DGKI: variants seen among roughly 807,000 people sequenced by gnomAD.
DGKI encodes the protein diacylglycerol kinase iota, also known as DAG kinase iota.
Under a neutral mutation model 147.5 loss-of-function variants are expected in DGKI, and 55 were observed. That is an observed-to-expected ratio of 0.37 (90% CI 0.30 to 0.47). DGKI has a LOEUF of 0.47. Ranked by LOEUF, DGKI falls within the 20% of genes least tolerant of loss-of-function variation. DGKI has a pLI of 1.00. For missense variants in DGKI, 1,007 were observed against 1,323.8 expected, an observed-to-expected ratio of 0.76 and a Z score of 3.71; for synonymous variants, 469 against 477.1, an observed-to-expected ratio of 0.98 and a Z score of 0.22.
chr7:137,824,828 T>C (rs1798009545), intron 1 of DGKI, among the ~76,000 whole-genome samples: 1 of 152,180 alleles, frequency 6.6e-6, no homozygotes, highest in South Asian at 2.1e-4. Flanking sequence ...TCTGTTCCTG[T>C]GTTAGTTTGC....
At chr7:137,453,434 C>A (rs963391442) in intron 27 of DGKI, among the ~76,000 whole-genome samples, 1 of 152,164 alleles carries the variant, frequency 6.6e-6, no homozygotes, top group Non-Finnish European at 1.5e-5. Context: ...CACAGCACTG[C>A]AAATCTCCAT....
intron 28 of DGKI, among the ~76,000 whole-genome samples, chr7:137,427,687 A>T (rs1309345339): frequency 6.6e-6 from 1 of 151,528 alleles, no homozygotes; most frequent in Non-Finnish European, 1.5e-5. Flanking sequence ...GAGAAGAATC[A>T]AATAGATGCA....
intron 21 of DGKI, among the ~76,000 whole-genome samples, chr7:137,517,323 G>A (rs1415130416): frequency 2.0e-5 from 2 of 99,774 alleles, no homozygotes; most frequent in South Asian, 4.1e-4. Flanking sequence ...AAGAAAGAAA[G>A]AAAGAAAGAA....
intron 20 of DGKI, among the ~76,000 whole-genome samples, chr7:137,546,655 C>T (rs1817877172): frequency 6.6e-6 from 1 of 152,136 alleles, no homozygotes; most frequent in Non-Finnish European, 1.5e-5. Flanking sequence ...ACAGCAGCTG[C>T]TAGAAAAGAC....
chr7:137,834,418 AC>A (rs1180705073), intron 1 of DGKI, among the ~76,000 whole-genome samples: 1 of 152,256 alleles, frequency 6.6e-6, no homozygotes, highest in Non-Finnish European at 1.5e-5. Flanking sequence ...GCTAAAACCA[AC>A]CATACTAATG....
chr7:137,422,605 T>C (rs903131337), intron 28 of DGKI, among the ~76,000 whole-genome samples: 2 of 117,100 alleles, frequency 1.7e-5, no homozygotes, highest in Admixed American at 9.1e-5. Flanking sequence ...CTTTTTTTTT[T>C]TTTTTTTTTT....
intron 12 of DGKI, among the ~76,000 whole-genome samples, chr7:137,592,613 G>T (rs952557095): frequency 1.1e-4 from 17 of 152,222 alleles, no homozygotes; most frequent in African/African-American, 3.1e-4. Flanking sequence ...ACAGATGCAC[G>T]TTGCGCTGCC....
In DGKI at chr7:137,485,559, G is replaced by A. The variant is rs1815526399; in HGVS notation, c.2329-141C>T. 9 of 664,128 alleles carry A rather than the reference G, an allele frequency of 1.4e-5. No individual in the cohort carries two copies. In the East Asian group the frequency reaches 2.5e-4, roughly 18 times the overall value. 41.1% of individuals were successfully genotyped at this position (664,128 alleles called of 1,614,324 possible). A position where few individuals can be genotyped will look rare whatever the true frequency, so the allele number is the denominator to read the frequency against. On this transcript the variant is annotated intron_variant, in intron 22 of 32. Coordinates refer to ENST00000614521, the MANE Select transcript of DGKI (RefSeq NM_001321708.2). ...ATCGAACACACCCAAATTCATAAAG[G>A]TTAAATAAAGAAGGTAATGCCAGAA...
intron 1 of DGKI, among the ~76,000 whole-genome samples, chr7:137,776,005 T>C (rs563102614): frequency 9.4e-4 from 143 of 152,114 alleles, no homozygotes; most frequent in African/African-American, 3.4e-3. Context: ...ATTATAAGCA[T>C]GTGCCACCAT....
intron 6 of DGKI, among the ~76,000 whole-genome samples, chr7:137,643,062 C>T (rs528196850): frequency 1.3e-4 from 20 of 150,840 alleles, no homozygotes; most frequent in South Asian, 1.3e-3. Context: ...GAGGCCGAGA[C>T]GGGCGGATCA....
At chr7:137,732,467 A>G (rs563899376) in intron 1 of DGKI, among the ~76,000 whole-genome samples, 1 of 152,184 alleles carries the variant, frequency 6.6e-6, no homozygotes, top group African/African-American at 2.4e-5. Flanking sequence ...GCCTTTCATG[A>G]TGATAACTGC....
chr7:137,811,967 T>C (rs1445246973), intron 1 of DGKI, among the ~76,000 whole-genome samples: 2 of 152,234 alleles, frequency 1.3e-5, no homozygotes, highest in Non-Finnish European at 2.9e-5. Context: ...TTATATATTT[T>C]AGCTTGTTTT....
At chr7:137,434,473 C>T (rs1484258526) in intron 28 of DGKI, among the ~76,000 whole-genome samples, 5 of 152,030 alleles carry the variant, frequency 3.3e-5, no homozygotes, top group African/African-American at 7.2e-5. Flanking sequence ...CCCAGCTACT[C>T]GGAAGGCTGA....
At chr7:137,398,256 AG>A (rs1811625859) in intron 30 of DGKI, among the ~76,000 whole-genome samples, 1 of 152,130 alleles carries the variant, frequency 6.6e-6, no homozygotes, top group African/African-American at 2.4e-5. Flanking sequence ...ACCCCAGGCA[AG>A]GGGGGATATA....
intron 1 of DGKI, among the ~76,000 whole-genome samples, chr7:137,784,773 C>T (rs1796616372): frequency 6.6e-6 from 1 of 151,914 alleles, no homozygotes; most frequent in Non-Finnish European, 1.5e-5. Flanking sequence ...ATATCAAGTA[C>T]CCTCCCAGAC....
intron 23 of DGKI, among the ~76,000 whole-genome samples, chr7:137,476,051 T>C (rs1478559889): frequency 6.6e-6 from 1 of 152,202 alleles, no homozygotes; most frequent in Non-Finnish European, 1.5e-5. Context: ...AGTTTTCAAA[T>C]AGTCCTGGTG....
chr7:137,665,552 C>T (rs1822607906), intron 3 of DGKI, among the ~76,000 whole-genome samples: 1 of 152,092 alleles, frequency 6.6e-6, no homozygotes, highest in Non-Finnish European at 1.5e-5. Flanking sequence ...TTGTTCTGTT[C>T]TGAGAAACAC....
intron 3 of DGKI, among the ~76,000 whole-genome samples, chr7:137,660,220 G>T (rs1822375691): frequency 6.6e-6 from 1 of 152,090 alleles, no homozygotes; most frequent in African/African-American, 2.4e-5. Context: ...TGTGGTACGG[G>T]GTGGGCAGAG....
intron 1 of DGKI, among the ~76,000 whole-genome samples, chr7:137,831,587 C>T (rs1236277672): frequency 1.3e-5 from 2 of 152,196 alleles, no homozygotes; most frequent in African/African-American, 4.8e-5. Context: ...TCCCATCGGG[C>T]TCATTCCACA....
Sources: gnomAD v4.1 joint callset for allele counts (sites outside exome capture counted in the v4.1 genomes callset) on GRCh38, gnomAD v4.1.1 for gene constraint, MANE v1.5 for transcripts, NCBI Gene and HGNC (gene_info 2026-07-23, HGNC 2026-07-21) for gene names.